Variants in MPDZ observed in about 807,000 individuals in gnomAD.
MPDZ encodes multiple PDZ domain crumbs cell polarity complex component.
Under a neutral mutation model 239.1 loss-of-function variants are expected in MPDZ, and 234 were observed. The observed-to-expected ratio is 0.98, with a 90% CI of 0.88 to 1.09. The LOEUF is 1.09. MPDZ is among the 50% of genes least tolerant of loss of function. The pLI, the probability that MPDZ is intolerant of heterozygous loss-of-function variation, is 0.00. For synonymous variants in MPDZ, 1,048 were observed against 881.3 expected (o/e 1.19, Z -3.35); for missense variants, 3,175 against 2,510.0 (o/e 1.26, Z -5.66).
At chr9:13,214,837 C>A (rs1958084783) in intron 10 of MPDZ, among the ~76,000 whole-genome samples, 1 of 151,830 alleles carries the variant, frequency 6.6e-6, no homozygotes, top group East Asian at 1.9e-4. Flanking sequence ...GTGGCAAGCA[C>A]AACTTGATCT....
intron 12 of MPDZ, among the ~76,000 whole-genome samples, chr9:13,197,037 G>T (rs1045651593): frequency 4.0e-5 from 6 of 151,616 alleles, no homozygotes; most frequent in Non-Finnish European, 8.8e-5. Flanking sequence ...TTTCTTATTA[G>T]TTGCCTCCTC....
intron 28 of MPDZ, among the ~76,000 whole-genome samples, chr9:13,139,638 C>T (rs1356763661): frequency 6.6e-6 from 1 of 152,130 alleles, no homozygotes; most frequent in Non-Finnish European, 1.5e-5. Flanking sequence ...ACCAGAATAT[C>T]CTCATTCACA....
chr9:13,245,426 A>AG (rs35386447), intron 3 of MPDZ, among the ~76,000 whole-genome samples: 7 of 148,864 alleles, frequency 4.7e-5, no homozygotes, highest in Non-Finnish European at 7.5e-5. Flanking sequence ...AAAAAAAAAA[A>AG]GAAGAAGAAG....
At chr9:13,165,949 A>C (rs1051373830) in intron 22 of MPDZ, among the ~76,000 whole-genome samples, 1 of 152,094 alleles carries the variant, frequency 6.6e-6, no homozygotes, top group African/African-American at 2.4e-5. Context: ...CACACACACA[A>C]AAGTTCCTAG....
intron 25 of MPDZ, among the ~76,000 whole-genome samples, chr9:13,148,633 TCTACCATATGTCTA>T (rs936753442): frequency 3.9e-5 from 6 of 152,000 alleles, no homozygotes; most frequent in Non-Finnish European, 8.8e-5. Flanking sequence ...AGTATTCACA[TCTACCATATGTCTA>T]CTATATATTC....
intron 25 of MPDZ, among the ~76,000 whole-genome samples, chr9:13,148,239 T>C (rs567943244): frequency 2.0e-5 from 3 of 152,226 alleles, no homozygotes; most frequent in East Asian, 3.9e-4. Flanking sequence ...TAGTAATTCT[T>C]ATATAGTTTG....
rs1242887149 is a variant in MPDZ at position 13,216,786 on chromosome 9, G to A, written c.1278C>T (p.Asp426=). Residue 426 remains aspartate (D), a synonymous_variant, in exon 10 of 47, where the codon GAC becomes GAT. Coordinates refer to ENST00000319217, the MANE Select transcript of MPDZ (RefSeq NM_001378778.1). The part of the protein sequence containing the change: ...VEHDGRIQIG[D]QIIAVDGTNL... ...ATGTGTAACTTACTGCTATAATTTGGTCTCCAATTTGGATTCTTCCATCAT... is the reference window on the plus strand; with the variant it reads ...ATGTGTAACTTACTGCTATAATTTGATCTCCAATTTGGATTCTTCCATCAT... 2.5e-6 allele frequency: 4 copies of A among 1,606,598 alleles called. No homozygotes were observed. Among genetic ancestry groups the A allele is most frequent in the Non-Finnish European group, 3.4e-6 (4 of 1,175,324 alleles).
intron 3 of MPDZ, among the ~76,000 whole-genome samples, chr9:13,245,742 C>T (rs1966446163): frequency 6.6e-6 from 1 of 152,062 alleles, no homozygotes; most frequent in Admixed American, 6.6e-5. Context: ...AACAAATTTC[C>T]AAGTAGGTTT....
chr9:13,190,299 G>C lies in MPDZ; in HGVS notation c.1969C>G (p.Pro657Ala). The change falls in exon 16 of 47, where the codon CCT becomes GCT. Residue 657 changes from proline to alanine, a missense_variant and splice_region_variant. Coordinates refer to ENST00000319217, the MANE Select transcript of MPDZ (RefSeq NM_001378778.1). ...DLCDIELTEK[P>A]HVDLGEFIGS... ...ATGAACTCACCTAGATCTACGTGAGGCTGGATAATATCAGACAGCTCTTAT... is the reference window on the plus strand; with the variant it reads ...ATGAACTCACCTAGATCTACGTGAGCCTGGATAATATCAGACAGCTCTTAT... 6.4e-7 allele frequency: 1 copy of C among 1,560,168 alleles called. No homozygotes were observed. Among genetic ancestry groups the C allele is most frequent in the Non-Finnish European group, 8.7e-7 (1 of 1,154,702 alleles).
chr9:13,208,405 C>T (rs932330550), intron 10 of MPDZ, among the ~76,000 whole-genome samples: 17 of 151,596 alleles, frequency 1.1e-4, no homozygotes, highest in African/African-American at 3.9e-4. Context: ...CATGATCATG[C>T]CAGTGCATTC....
chr9:13,151,649 G>A (rs1404252375), intron 24 of MPDZ, among the ~76,000 whole-genome samples: 5 of 151,948 alleles, frequency 3.3e-5, no homozygotes, highest in African/African-American at 1.2e-4. Flanking sequence ...GACAAGAAAG[G>A]GGAGTTATTG....
chr9:13,144,678 A>C (rs535319386), intron 26 of MPDZ, among the ~76,000 whole-genome samples: 1 of 152,088 alleles, frequency 6.6e-6, no homozygotes, highest in Non-Finnish European at 1.5e-5. Context: ...CCTGCACTAA[A>C]GCTTATGCCA....
At chr9:13,255,706 C>A (rs552310898) in intron 1 of MPDZ, among the ~76,000 whole-genome samples, 15 of 152,270 alleles carry the variant, frequency 9.9e-5, no homozygotes, top group Admixed American at 9.8e-4. Flanking sequence ...GTCTCAACAG[C>A]GGGCTTAAAA....
chr9:13,252,642 A>C (rs1968388328), intron 1 of MPDZ, among the ~76,000 whole-genome samples: 2 of 151,174 alleles, frequency 1.3e-5, no homozygotes, highest in Non-Finnish European at 2.9e-5. Context: ...TGAGCTCAGG[A>C]GTTCGAGACC....
chr9:13,190,419 T>A, intron 15 of MPDZ, 120 bp from the exon 16 acceptor site: 1 of 832,680 alleles, frequency 1.2e-6, no homozygotes, highest in Non-Finnish European at 1.6e-6. Flanking sequence ...CAAACAAGAG[T>A]AGCAACAGCT....
At chr9:13,188,415 T>C (rs112190066) in intron 17 of MPDZ, among the ~76,000 whole-genome samples, 9 of 151,914 alleles carry the variant, frequency 5.9e-5, no homozygotes, top group Admixed American at 1.3e-4. Context: ...TCAGGAGGTC[T>C]TAGGAGGCAG....
intron 11 of MPDZ, among the ~76,000 whole-genome samples, chr9:13,205,410 C>A (rs573918648): frequency 2.0e-5 from 3 of 152,216 alleles, no homozygotes; most frequent in Admixed American, 2.0e-4. Flanking sequence ...TACCAATAAA[C>A]CCCTGAGCTA....
At chr9:13,231,254 G>GT (rs1320060882) in intron 3 of MPDZ, among the ~76,000 whole-genome samples, 1 of 151,964 alleles carries the variant, frequency 6.6e-6, no homozygotes, top group Non-Finnish European at 1.5e-5. Flanking sequence ...AAATTCCTTG[G>GT]TAACACATTT....
rs1227835179 is a variant in MPDZ at position 13,143,481 on chromosome 9, T to C, written c.3825A>G (p.Gln1275=). Residue 1275 remains glutamine, a synonymous_variant, in exon 27 of 47, where the codon CAA becomes CAG. Coordinates refer to ENST00000319217, the MANE Select transcript of MPDZ (RefSeq NM_001378778.1). The part of the protein sequence containing the change: ...SSTNPFADSL[Q]INADKAPSQS... ...ATTATCCAACCTTGTCGGCGTTGAT[T>C]TGTAGAGAGTCAGCAAATGGGTTAG... is the stretch of plus-strand genomic sequence containing the variant. 2 of 1,612,314 alleles carry C rather than the reference T, an allele frequency of 1.2e-6. No homozygotes were observed. The highest frequency in any genetic ancestry group is 1.7e-6 in the Non-Finnish European group (2 of 1,178,684).
Sources: allele counts gnomAD v4.1 joint callset (sites outside exome capture counted in the v4.1 genomes callset), GRCh38; gene constraint gnomAD v4.1.1; transcripts MANE v1.5; gene names NCBI Gene and HGNC (gene_info 2026-07-23, HGNC 2026-07-21).